Variants in ANKRD46 observed in about 807,000 individuals in gnomAD.
ANKRD46 encodes ankyrin repeat domain 46.
ANKRD46 carries 13 observed loss-of-function variants against 19.8 expected under a neutral mutation model. The observed-to-expected ratio is 0.66, with a 90% CI of 0.43 to 1.04. The LOEUF (loss-of-function observed/expected upper bound fraction) is 1.04, where lower values mean the gene tolerates loss of function less well. ANKRD46 is among the 50% of genes least tolerant of loss of function. The probability of loss-of-function intolerance (pLI) is 0.00; values close to 1 mark genes in which losing one functional copy is unlikely to be tolerated. For missense variants in ANKRD46, 185 were observed against 274.8 expected, an observed-to-expected ratio of 0.67 and a Z score of 2.31; for synonymous variants, 91 against 106.9, an observed-to-expected ratio of 0.85 and a Z score of 0.92.
At chr8:100,547,521 C>T (rs1321621154) in intron 1 of ANKRD46, among the ~76,000 whole-genome samples, 1 of 152,164 alleles carries the variant, frequency 6.6e-6, no homozygotes, top group African/African-American at 2.4e-5. Flanking sequence ...AGCGTGAAAA[C>T]AGACTAATTC....
At position 100,511,742 on chromosome 8, in the gene ANKRD46, G is replaced by A. The variant is rs971526689; in HGVS notation, c.637-1103C>T. Among the ~76,000 whole-genome samples, 3 of 152,174 alleles carry A rather than the reference G, an allele frequency of 2.0e-5. No homozygotes were observed. The highest frequency in any genetic ancestry group is 2.9e-5 in the Non-Finnish European group (2 of 68,030). On this transcript the variant is annotated intron_variant, in intron 5 of 5. Transcript: ENST00000520552. This position sits in a 1 kb window ranked among gnomAD's most constrained non-coding sequence, Gnocchi z 4.1. ...TCCATTAAAGACAATGAAGAATTTC[G>A]GCTGGGCATGGTGGCTCACGCCTGT...
At position 100,537,684 on chromosome 8, in the gene ANKRD46, C is replaced by T. The variant is rs142384499; in HGVS notation, c.-130-4373G>A. Reference sequence around the variant, plus strand: ...CAAAGATACTGGGCAAGGAAAAATGCCATGTTGAAAAGAAATTTAGCTGTG... The same window carrying T: ...CAAAGATACTGGGCAAGGAAAAATGTCATGTTGAAAAGAAATTTAGCTGTG... On this transcript the variant is annotated intron_variant, in intron 1 of 4. Transcript: ENST00000335659. This position sits in a 1 kb window ranked among gnomAD's most constrained non-coding sequence, Gnocchi z 4.2. Among the ~76,000 whole-genome samples, 614 of 152,240 alleles carry T rather than the reference C, an allele frequency of 4.0e-3. 4 individuals are homozygous for T. Among genetic ancestry groups the T allele is most frequent in the African/African-American group, 0.013 (554 of 41,552 alleles).
rs1376324157 is a variant in ANKRD46, at chr8:100,557,071, A to G, written c.-131+2640T>C. Among the ~76,000 whole-genome samples the G allele has an allele frequency of 6.6e-6, 1 of 152,142 alleles. No individual in the cohort carries two copies. The highest frequency in any genetic ancestry group is 2.1e-4 in the South Asian group (1 of 4,822). ...GCTGATGAGCTTAAAAAAAAATACA[A>G]TCAATCTCATAATGTTTTAAGTAAG... On this transcript the variant is annotated intron_variant, in intron 1 of 4. Transcript: ENST00000335659. The surrounding 1 kb of genome is among the most constrained non-coding windows in gnomAD (Gnocchi z 5.9).
At chr8:100,539,705 C>T (rs1812136897) in intron 1 of ANKRD46, among the ~76,000 whole-genome samples, 2 of 152,100 alleles carry the variant, frequency 1.3e-5, no homozygotes, top group Admixed American at 6.5e-5. Flanking sequence ...ACTATTAATG[C>T]ATAAAAATGA....
Position 100,522,627 on chromosome 8 carries a change from C to T in ANKRD46, c.615G>A (p.Leu205=), listed in dbSNP as rs753338330. The T allele has an allele frequency of 3.7e-6, 6 of 1,614,016 alleles. No homozygotes were observed. The highest frequency in any genetic ancestry group is 2.2e-5 in the East Asian group (1 of 44,870). Residue 205 remains leucine, a synonymous_variant, in exon 5 of 5, where the codon CTG becomes CTA. Transcript: ENST00000335659. The part of the protein sequence containing the change: ...VLLLIFVIAL[L]SLGIAYYVSG... ...TCACATAATAAGCAATGCCAAGAGA[C>T]AGCAAAGCAATGACGAAGATCAACA...
intron 4 of ANKRD46, among the ~76,000 whole-genome samples, chr8:100,523,166 T>TC (rs1214794549): frequency 5.3e-5 from 8 of 150,746 alleles, no homozygotes; most frequent in Admixed American, 5.3e-4. Flanking sequence ...CATCTCTATT[T>TC]TTTTTTAAGG....
chr8:100,545,529 T>C lies in ANKRD46; in HGVS notation c.-130-12218A>G, dbSNP rs1045910121. On this transcript the variant is annotated intron_variant, in intron 1 of 4. Transcript: ENST00000335659. The surrounding 1 kb of genome is among the most constrained non-coding windows in gnomAD (Gnocchi z 4.7). ...CTCCCCAGCCATGTGGAACTGTGTATCAATTAAACCTTTTGTTTATAAATT... is the reference window on the plus strand; with the variant it reads ...CTCCCCAGCCATGTGGAACTGTGTACCAATTAAACCTTTTGTTTATAAATT... 6.6e-6 allele frequency among the ~76,000 whole-genome samples: 1 copy of C among 152,214 alleles called. No homozygotes were observed. Among genetic ancestry groups the C allele is most frequent in the Non-Finnish European group, 1.5e-5 (1 of 68,046 alleles).
chr8:100,534,621 G>A lies in ANKRD46; in HGVS notation c.-130-1310C>T, dbSNP rs963013586. On this transcript the variant is annotated intron_variant, in intron 1 of 4. Coordinates refer to ENST00000335659, the MANE Select transcript of ANKRD46 (RefSeq NM_001270377.2). The surrounding 1 kb of genome is among the most constrained non-coding windows in gnomAD (Gnocchi z 4.2). ...AATGTTAATTAAAATGGTGCAAGTG[G>A]GTTATTCTGGATGTGGTAGAGCTCA... 1.1e-4 allele frequency among the ~76,000 whole-genome samples: 16 copies of A among 152,082 alleles called. No individual in the cohort carries two copies. Among genetic ancestry groups the A allele is most frequent in the African/African-American group, 3.9e-4 (16 of 41,402 alleles).
At position 100,529,042 on chromosome 8, in the gene ANKRD46, C is replaced by T. The variant is rs190445701; in HGVS notation, c.311+481G>A. Among the ~76,000 whole-genome samples the T allele has an allele frequency of 1.3e-4, 20 of 152,298 alleles. No individual in the cohort carries two copies. The highest frequency in any genetic ancestry group is 3.3e-4 in the Admixed American group (5 of 15,296). ...GAAGGCACACAAGCGTTAGAGTCAG[C>T]GGAACTAGGTTCAAATTCCAGCTCT... On this transcript the variant is annotated intron_variant, in intron 3 of 4. Coordinates refer to ENST00000335659, the MANE Select transcript of ANKRD46 (RefSeq NM_001270377.2). The surrounding 1 kb of genome is among the most constrained non-coding windows in gnomAD (Gnocchi z 5.8).
chr8:100,537,561 C>T lies in ANKRD46; in HGVS notation c.-130-4250G>A, dbSNP rs1313929085. Among the ~76,000 whole-genome samples the T allele has an allele frequency of 6.6e-6, 1 of 152,162 alleles. No homozygotes were observed. Among genetic ancestry groups the T allele is most frequent in the East Asian group, 1.9e-4 (1 of 5,200 alleles). The stretch of plus-strand genomic sequence containing the variant: ...ATACAGCTGTTTCAAAATATAATCT[C>T]AGAGAACTATAAAACAAAAATTTCC... On this transcript the variant is annotated intron_variant, in intron 1 of 4. Coordinates refer to ENST00000335659, the MANE Select transcript of ANKRD46 (RefSeq NM_001270377.2). This position sits in a 1 kb window ranked among gnomAD's most constrained non-coding sequence, Gnocchi z 4.2.
chr8:100,514,614 C>T (rs1432810066), intron 5 of ANKRD46, among the ~76,000 whole-genome samples: 630 of 37,270 alleles, frequency 0.017, 8 homozygotes, highest in African/African-American at 0.061. Flanking sequence ...ATTCCTCCAT[C>T]TTCTTTTTTT....
At chr8:100,554,655 GT>G (rs1174176796) in intron 1 of ANKRD46, 1 of 152,222 alleles carries the variant, frequency 6.6e-6, no homozygotes, top group Admixed American at 6.5e-5. Flanking sequence ...AGCCTGGGAG[GT>G]GGAGGGTGCA....
At chr8:100,539,847 G>A (rs759189067) in intron 1 of ANKRD46, among the ~76,000 whole-genome samples, 5 of 152,116 alleles carry the variant, frequency 3.3e-5, no homozygotes, top group Non-Finnish European at 1.5e-5. Context: ...CCCGGAGTTC[G>A]AGACTAGCCT....
In ANKRD46 at chr8:100,525,046, A is replaced by G. The variant is rs1811815997; in HGVS notation, c.471-2275T>C. ...TTAGAGTTATATGGAGGAGTGGGGA[A>G]ATATTTTTCATTAACTTGATTTATA... On this transcript the variant is annotated intron_variant, in intron 4 of 4. Transcript: ENST00000335659. The surrounding 1 kb of genome is among the most constrained non-coding windows in gnomAD (Gnocchi z 4.4). 6.6e-6 allele frequency among the ~76,000 whole-genome samples: 1 copy of G among 152,124 alleles called. No homozygotes were observed. Among genetic ancestry groups the G allele is most frequent in the South Asian group, 2.1e-4 (1 of 4,824 alleles).
At chr8:100,551,061 GGCCTTGCCCACA>G (rs1202815170) in intron 1 of ANKRD46, 27 of 511,446 alleles carry the variant, frequency 5.3e-5, no homozygotes, top group African/African-American at 4.6e-4. Context: ...GCTCGGGGAT[GGCCTTGCCCACA>G]GCCTTGGCAA....
downstream of ANKRD46, among the ~76,000 whole-genome samples, chr8:100,518,115 T>C (rs190420842): frequency 2.3e-3 from 352 of 152,184 alleles, 1 homozygote; most frequent in Non-Finnish European, 3.8e-3. Context: ...AGCTTGAACC[T>C]GGAAGGCGGA....
rs147577957 is a variant in ANKRD46 at position 100,556,200 on chromosome 8, T to G, written c.-131+3511A>C. 4.5e-4 allele frequency among the ~76,000 whole-genome samples: 69 copies of G among 152,320 alleles called. 1 individual carries two copies. The South Asian group carries it at 6.4e-3, about 14-fold the overall frequency. On this transcript the variant is annotated intron_variant, in intron 1 of 4. Coordinates refer to ENST00000335659, the MANE Select transcript of ANKRD46 (RefSeq NM_001270377.2). ...CACGCCCAACTAATTTTAAAGTTTT[T>G]TGTAGAGATGAGCTCTCCCTATGTT...
At chr8:100,541,761 T>C (rs779625324) in intron 1 of ANKRD46, among the ~76,000 whole-genome samples, 1 of 152,344 alleles carries the variant, frequency 6.6e-6, no homozygotes, top group Non-Finnish European at 1.5e-5. Flanking sequence ...ATACACTGCA[T>C]AATGACATTT....
rs1563492542 is a variant in ANKRD46 at position 100,550,887 on chromosome 8, T to C, written c.-131+8824A>G. 5.5e-6 allele frequency: 3 copies of C among 545,718 alleles called. No homozygotes were observed. The highest frequency in any genetic ancestry group is 3.5e-6 in the Non-Finnish European group (1 of 288,178). 33.8% of individuals were successfully genotyped at this position (545,718 alleles called of 1,614,324 possible). A position where few individuals can be genotyped will look rare whatever the true frequency, so the allele number is the denominator to read the frequency against. Reference sequence around the variant, plus strand: ...GTTAAAGTCAGAGGAAACAACCTGGTGTTCAGTGTAGCCCAAGATGCCCTT... The same window carrying C: ...GTTAAAGTCAGAGGAAACAACCTGGCGTTCAGTGTAGCCCAAGATGCCCTT... On this transcript the variant is annotated intron_variant, in intron 1 of 4. Transcript: ENST00000335659. The surrounding 1 kb of genome is among the most constrained non-coding windows in gnomAD (Gnocchi z 4.4).
Sources: gnomAD v4.1 joint callset for allele counts (sites outside exome capture counted in the v4.1 genomes callset) on GRCh38, gnomAD v4.1.1 for gene constraint, Gnocchi (gnomAD v3.1) non-coding constraint, MANE v1.5 for transcripts, NCBI Gene and HGNC (gene_info 2026-07-23, HGNC 2026-07-21) for gene names.